The following DCHS2 variants were observed in gnomAD, a reference collection of about 807,000 sequenced individuals.
The protein encoded by DCHS2 is protocadherin-23.
Under a neutral mutation model 182.4 loss-of-function variants are expected in DCHS2, and 142 were observed. The observed-to-expected ratio is 0.78, with a 90% CI of 0.68 to 0.89. The LOEUF (loss-of-function observed/expected upper bound fraction) is 0.89. DCHS2 is among the 40% of genes least tolerant of loss of function. The probability of loss-of-function intolerance (pLI) is 0.00; values close to 1 mark genes in which losing one functional copy is unlikely to be tolerated. For synonymous variants in DCHS2, 1,740 were observed against 1,663.3 expected (o/e 1.05, Z -1.12); for missense variants, 4,319 against 4,198.6 (o/e 1.03, Z -0.79).
intron 10 of DCHS2, among the ~76,000 whole-genome samples, chr4:154,309,513 G>A (rs938399000): frequency 3.3e-5 from 5 of 152,182 alleles, no homozygotes; most frequent in Admixed American, 2.0e-4. Flanking sequence ...AGGGGTGGTA[G>A]CTGCCTTCTA....
At chr4:154,253,861 A>ATT (rs11419442) in intron 16 of DCHS2, among the ~76,000 whole-genome samples, 1 of 151,870 alleles carries the variant, frequency 6.6e-6, no homozygotes, top group African/African-American at 2.4e-5. Flanking sequence ...ACATATTATA[A>ATT]TTTTTTCATA....
intron 4 of DCHS2, 127 bp downstream of exon 4, chr4:154,334,741 G>C (rs1728705519): frequency 2.8e-6 from 2 of 725,078 alleles, no homozygotes; most frequent in East Asian, 5.1e-5. Flanking sequence ...GCCACAGTTT[G>C]TGTTATCTCC....
intron 9 of DCHS2, among the ~76,000 whole-genome samples, chr4:154,317,704 A>G (rs1408786527): frequency 6.6e-6 from 1 of 152,214 alleles, no homozygotes; most frequent in Non-Finnish European, 1.5e-5. Context: ...TTTTAAAGTC[A>G]TAAGACTGAA....
chr4:154,392,806 C>T (rs962969713), intron 1 of DCHS2, among the ~76,000 whole-genome samples: 12 of 152,162 alleles, frequency 7.9e-5, no homozygotes, highest in African/African-American at 2.7e-4. Context: ...TAAAGACTTA[C>T]AGGAAAAACA....
intron 9 of DCHS2, 121 bp downstream of exon 9, chr4:154,320,258 T>C: frequency 2.1e-6 from 3 of 1,437,422 alleles, no homozygotes; most frequent in South Asian, 2.9e-5. Context: ...CTGTGCAACA[T>C]TGAACTCACA....
At chr4:154,366,955 T>C (rs1472746902) in intron 2 of DCHS2, among the ~76,000 whole-genome samples, 3 of 152,144 alleles carry the variant, frequency 2.0e-5, no homozygotes, top group African/African-American at 7.2e-5. Flanking sequence ...GGTGCCCTGG[T>C]GAAGCCTTCA....
At chr4:154,338,605 TC>T (rs1310183444) in intron 3 of DCHS2, among the ~76,000 whole-genome samples, 2 of 152,200 alleles carry the variant, frequency 1.3e-5, no homozygotes, top group Non-Finnish European at 2.9e-5. Flanking sequence ...AACTCAGAAA[TC>T]TACTCTATAT....
chr4:154,248,440 G>A (rs961053729), intron 16 of DCHS2, among the ~76,000 whole-genome samples: 5 of 151,992 alleles, frequency 3.3e-5, no homozygotes, highest in Non-Finnish European at 5.9e-5. Context: ...GCTTCTGGAG[G>A]GCTTTAGCCT....
At chr4:154,354,170 C>T (rs1729752346) in intron 3 of DCHS2, among the ~76,000 whole-genome samples, 1 of 152,218 alleles carries the variant, frequency 6.6e-6, no homozygotes, top group Non-Finnish European at 1.5e-5. Flanking sequence ...AAGCCATCCA[C>T]CTGCCTCAGC....
chr4:154,290,291 G>A (rs968026653), intron 13 of DCHS2, among the ~76,000 whole-genome samples: 19 of 151,922 alleles, frequency 1.3e-4, no homozygotes, highest in Non-Finnish European at 2.5e-4. Context: ...AAAAATTGAG[G>A]AGGCTTCACA....
chr4:154,444,006 G>T (rs1462680752), intron 1 of DCHS2, among the ~76,000 whole-genome samples: 1 of 152,130 alleles, frequency 6.6e-6, no homozygotes, highest in Admixed American at 6.5e-5. Context: ...CCAGGATCCA[G>T]TGTTCTCCTG....
At chr4:154,474,193 T>G (rs1259272240) in intron 1 of DCHS2, among the ~76,000 whole-genome samples, 1 of 152,186 alleles carries the variant, frequency 6.6e-6, no homozygotes, top group Non-Finnish European at 1.5e-5. Context: ...ATGACACCAA[T>G]AACTGGAATT....
chr4:154,376,088 G>A (rs1245482635), intron 2 of DCHS2, among the ~76,000 whole-genome samples: 1 of 152,044 alleles, frequency 6.6e-6, no homozygotes, highest in Non-Finnish European at 1.5e-5. Flanking sequence ...GCATGGAGGG[G>A]TGGATGGAGG....
At chr4:154,256,168 T>C (rs1732656433) in intron 15 of DCHS2, among the ~76,000 whole-genome samples, 1 of 152,138 alleles carries the variant, frequency 6.6e-6, no homozygotes, top group Non-Finnish European at 1.5e-5. Context: ...ATTTTTGAGA[T>C]AGAGTCTGGC....
At chr4:154,329,433 T>G (rs186027998) in intron 6 of DCHS2, 90 bp downstream of exon 6, 1 of 1,277,014 alleles carries the variant, frequency 7.8e-7, no homozygotes, top group African/African-American at 1.5e-5. Context: ...CCAAGACTGA[T>G]GTGATAAATT....
chr4:154,233,299 A>C lies in DCHS2; in HGVS notation c.*1237T>G, dbSNP rs1731277837. The C allele has an allele frequency of 6.6e-6, 1 of 152,174 alleles. No individual in the cohort carries two copies. The highest frequency in any genetic ancestry group is 6.6e-5 in the Admixed American group (1 of 15,260). 9.4% of individuals were successfully genotyped at this position (152,174 alleles called of 1,614,324 possible). A position where few individuals can be genotyped will look rare whatever the true frequency, so the allele number is the denominator to read the frequency against. Reference sequence around the variant, plus strand: ...AGGGATTCCCAGGCTTATCAGAAAGAAGGCTAGAGCATTGTATGTGAGCAC... The same window carrying C: ...AGGGATTCCCAGGCTTATCAGAAAGCAGGCTAGAGCATTGTATGTGAGCAC... On this transcript the variant is annotated 3_prime_UTR_variant, in exon 20 of 20. Transcript: ENST00000357232.
intron 1 of DCHS2, among the ~76,000 whole-genome samples, chr4:154,442,484 C>T (rs900131895): frequency 1.3e-5 from 2 of 149,342 alleles, no homozygotes; most frequent in Non-Finnish European, 3.0e-5. Context: ...TCACCCTCTT[C>T]TCTGAATATT....
intron 1 of DCHS2, chr4:154,384,448 C>G: frequency 3.1e-6 from 5 of 1,606,240 alleles, no homozygotes; most frequent in Non-Finnish European, 3.4e-6. Flanking sequence ...TCGGGACTAC[C>G]TCTTTTCAAT....
At chr4:154,302,182 T>C (rs1422045084) in intron 12 of DCHS2, among the ~76,000 whole-genome samples, 1 of 152,206 alleles carries the variant, frequency 6.6e-6, no homozygotes, top group African/African-American at 2.4e-5. Flanking sequence ...ATGCAAAACA[T>C]ATAACTGAAA....
Sources: allele counts gnomAD v4.1 joint callset (sites outside exome capture counted in the v4.1 genomes callset), GRCh38; gene constraint gnomAD v4.1.1; transcripts MANE v1.5; gene names NCBI Gene and HGNC (gene_info 2026-07-23, HGNC 2026-07-21).